The following GRIP1 variants were observed in gnomAD, a reference collection of about 807,000 sequenced individuals.
GRIP1 encodes the protein glutamate receptor interacting protein 1, also known as glutamate receptor-interacting protein 1.
A neutral mutation model predicts 129.9 loss-of-function variants in GRIP1; 45 were observed. The ratio of observed to expected loss-of-function variants is 0.35; its 90% CI spans 0.27 to 0.44. The LOEUF is 0.44. GRIP1 is among the 20% of genes least tolerant of loss of function. GRIP1 has a pLI of 1.00. For synonymous variants in GRIP1, 530 were observed against 520.8 expected, an observed-to-expected ratio of 1.02 and a Z score of -0.24; for missense variants, 1,196 against 1,396.8, an observed-to-expected ratio of 0.86 and a Z score of 2.29.
intron 13 of GRIP1, among the ~76,000 whole-genome samples, chr12:66,435,473 T>G (rs1592859264): frequency 1.3e-5 from 2 of 152,186 alleles, no homozygotes; most frequent in African/African-American, 4.8e-5. Flanking sequence ...TAAAAGGCTG[T>G]GATTACAGGC....
intron 1 of GRIP1, among the ~76,000 whole-genome samples, chr12:66,634,627 A>G (rs543160144): frequency 2.0e-5 from 3 of 152,332 alleles, no homozygotes; most frequent in African/African-American, 7.2e-5. Flanking sequence ...TCCCTTCTAA[A>G]CAGTTTATCC....
At chr12:66,371,428 G>T (rs1005443405) in intron 23 of GRIP1, among the ~76,000 whole-genome samples, 11 of 152,062 alleles carry the variant, frequency 7.2e-5, no homozygotes, top group Non-Finnish European at 1.2e-4. Context: ...CAAAGTGCTG[G>T]GATTATAGGC....
intron 1 of GRIP1, among the ~76,000 whole-genome samples, chr12:66,916,879 TG>T (rs1325761403): frequency 6.6e-6 from 1 of 152,204 alleles, no homozygotes; most frequent in African/African-American, 2.4e-5. Context: ...CAAAATCACT[TG>T]TATTTCCATT....
At position 66,463,199 on chromosome 12, in the gene GRIP1, T is replaced by A. The variant is rs577851111; in HGVS notation, c.873-106A>T. The stretch of plus-strand genomic sequence containing the variant: ...TTCACAGTTTTTCATTTACTTAAAA[T>A]AAAAGAAAAGAAAAGTTTGAGTGTT... On this transcript the variant is annotated intron_variant, in intron 8 of 24. Transcript: ENST00000359742. 5 of 623,390 alleles carry A rather than the reference T, an allele frequency of 8.0e-6. No individual in the cohort carries two copies. Among genetic ancestry groups the A allele is most frequent in the Non-Finnish European group, 7.5e-6 (3 of 399,322 alleles). 38.6% of individuals were successfully genotyped at this position (623,390 alleles called of 1,614,324 possible). A position where few individuals can be genotyped will look rare whatever the true frequency, so the allele number is the denominator to read the frequency against.
intron 11 of GRIP1, 28 bp from the exon 12 acceptor site, chr12:66,445,536 TTTAGG>T (rs1180690431): frequency 6.4e-7 from 1 of 1,566,926 alleles, no homozygotes; most frequent in Non-Finnish European, 8.7e-7. Flanking sequence ...AAATACTGAC[TTTAGG>T]TTGGAGCAAG....
chr12:66,711,160 A>C (rs2035699840), intron 1 of GRIP1, among the ~76,000 whole-genome samples: 1 of 151,908 alleles, frequency 6.6e-6, no homozygotes, highest in Non-Finnish European at 1.5e-5. Flanking sequence ...GATTCTTGCT[A>C]TTAGAAAAGT....
Position 66,617,687 on chromosome 12 carries a change from C to A in GRIP1, c.56-20760G>T, listed in dbSNP as rs557749047. On this transcript the variant is annotated intron_variant, in intron 1 of 24. Transcript: ENST00000359742. ...TAACTTATTCTTGATTTTAACACAT[C>A]ATAACCAAAAAACATTATAAAATGG... Among the ~76,000 whole-genome samples the A allele has an allele frequency of 4.0e-5, 6 of 151,800 alleles. 1 individual carries two copies. In the South Asian group the frequency reaches 1.3e-3, roughly 32 times the overall value.
chr12:66,940,155 C>CGTGT (rs145962655), intron 1 of GRIP1, among the ~76,000 whole-genome samples: 3 of 151,244 alleles, frequency 2.0e-5, no homozygotes, highest in African/African-American at 7.3e-5. Context: ...AACCTGTGTA[C>CGTGT]GTGTGTGTGT....
At position 66,717,609 on chromosome 12, in the gene GRIP1, G is replaced by A. The variant is rs1362513188; in HGVS notation, c.-420+86444C>T. On this transcript the variant is annotated intron_variant, in intron 1 of 4. Coordinates refer to the GRIP1 transcript ENST00000538373. ...TGCCAAAGTGATTTCTATTAGTGCC[G>A]TTGAAAAGAGAATTAAAAATGTAAT... 2.6e-5 allele frequency among the ~76,000 whole-genome samples: 4 copies of A among 152,080 alleles called. 1 individual carries two copies. In the South Asian group the frequency reaches 8.3e-4, roughly 32 times the overall value.
chr12:66,706,055 G>T (rs1177285532), intron 1 of GRIP1, among the ~76,000 whole-genome samples: 1 of 152,132 alleles, frequency 6.6e-6, no homozygotes, highest in Non-Finnish European at 1.5e-5. Context: ...ATTGGCAAGT[G>T]GGATCTAATT....
At chr12:66,677,557 G>A (rs2034396189) in intron 1 of GRIP1, among the ~76,000 whole-genome samples, 1 of 152,082 alleles carries the variant, frequency 6.6e-6, no homozygotes, top group Non-Finnish European at 1.5e-5. Context: ...CAATTGTAGA[G>A]GATAAAGTCA....
chr12:66,581,679 C>T (rs1314234208), intron 2 of GRIP1, among the ~76,000 whole-genome samples: 2 of 152,082 alleles, frequency 1.3e-5, no homozygotes, highest in African/African-American at 4.8e-5. Flanking sequence ...TTCCTTGATA[C>T]ATACACTCTC....
chr12:66,856,873 G>C (rs932113448), intron 1 of GRIP1, among the ~76,000 whole-genome samples: 1 of 152,054 alleles, frequency 6.6e-6, no homozygotes, highest in African/African-American at 2.4e-5. Flanking sequence ...CCATTACTGG[G>C]TATATACCCA....
At chr12:66,743,874 T>C (rs764188606) in intron 1 of GRIP1, among the ~76,000 whole-genome samples, 8 of 152,192 alleles carry the variant, frequency 5.3e-5, no homozygotes, top group Non-Finnish European at 1.0e-4. Flanking sequence ...CCATTACATA[T>C]TCAAGTGAAA....
At chr12:66,582,226 C>A (rs1366029503) in intron 2 of GRIP1, among the ~76,000 whole-genome samples, 1 of 147,860 alleles carries the variant, frequency 6.8e-6, no homozygotes, top group African/African-American at 2.5e-5. Flanking sequence ...TAAAAACACT[C>A]AATAAATTAG....
intron 2 of GRIP1, among the ~76,000 whole-genome samples, chr12:66,582,093 G>T (rs1049868281): frequency 6.6e-5 from 10 of 152,120 alleles, no homozygotes; most frequent in African/African-American, 2.2e-4. Context: ...ATGCAAGGCT[G>T]ATTCAATATA....
intron 1 of GRIP1, among the ~76,000 whole-genome samples, chr12:66,975,128 A>G (rs2042132927): frequency 6.6e-6 from 1 of 152,116 alleles, no homozygotes. Flanking sequence ...TCCAGACTAG[A>G]AAAAAAGGCA....
At chr12:66,670,120 T>C (rs1339585397) in intron 1 of GRIP1, among the ~76,000 whole-genome samples, 1 of 152,092 alleles carries the variant, frequency 6.6e-6, no homozygotes, top group East Asian at 1.9e-4. Flanking sequence ...TCCATTAGCA[T>C]TGAAAGAAGA....
At chr12:66,719,860 C>G (rs1284794504) in intron 1 of GRIP1, among the ~76,000 whole-genome samples, 1 of 152,140 alleles carries the variant, frequency 6.6e-6, no homozygotes, top group Non-Finnish European at 1.5e-5. Flanking sequence ...ACCTTGGGGT[C>G]ATTCTAATTA....
Sources: gnomAD v4.1 joint callset for allele counts (sites outside exome capture counted in the v4.1 genomes callset) on GRCh38, gnomAD v4.1.1 for gene constraint, MANE v1.5 for transcripts, NCBI Gene and HGNC (gene_info 2026-07-23, HGNC 2026-07-21) for gene names.